The following SLC38A12 variants were observed in gnomAD, a reference collection of about 807,000 sequenced individuals.
The protein encoded by SLC38A12 is putative sodium-coupled neutral amino acid transporter 12.
At chr17:74,835,888 C>T in the SLC38A12 span, 1 of 1,564,694 alleles carries the variant, frequency 6.4e-7, no homozygotes, top group Non-Finnish European at 8.7e-7. Flanking sequence ...TAGGGCCGTG[C>T]CTGTCCCCAC....
chr17:74,802,677 C>G, the SLC38A12 span, among the ~76,000 whole-genome samples: 17 of 152,134 alleles, frequency 1.1e-4, no homozygotes, highest in Admixed American at 5.9e-4. Flanking sequence ...ATCTTAAATT[C>G]AAAAATCCAA....
chr17:74,822,494 T>G, the SLC38A12 span, among the ~76,000 whole-genome samples: 1 of 152,208 alleles, frequency 6.6e-6, no homozygotes, highest in Non-Finnish European at 1.5e-5. Context: ...AGCACTTGTT[T>G]TTTTGGTGGT....
the SLC38A12 span, among the ~76,000 whole-genome samples, chr17:74,803,344 C>A: frequency 6.6e-6 from 1 of 152,216 alleles, no homozygotes; most frequent in East Asian, 1.9e-4. Context: ...AGGCAGCCCA[C>A]CTGAAAGCAG....
chr17:74,803,818 C>T, the SLC38A12 span, among the ~76,000 whole-genome samples: 2 of 152,186 alleles, frequency 1.3e-5, no homozygotes, highest in African/African-American at 4.8e-5. Flanking sequence ...CATTTCTGGG[C>T]AAAGAACTAA....
chr17:74,791,823 A>C, the SLC38A12 span, among the ~76,000 whole-genome samples: 4 of 152,216 alleles, frequency 2.6e-5, no homozygotes, highest in Admixed American at 6.5e-5. Context: ...CTCCATGGCA[A>C]ATCTGGTTCT....
At chr17:74,836,205 A>G in the SLC38A12 span, 2 of 1,612,052 alleles carry the variant, frequency 1.2e-6, no homozygotes, top group Non-Finnish European at 1.7e-6. The surrounding 1 kb of genome is among the most constrained non-coding windows in gnomAD (Gnocchi z 4.2). Flanking sequence ...CCTCATGGAC[A>G]TGTACACCCT....
chr17:74,830,593 G>A, the SLC38A12 span, among the ~76,000 whole-genome samples: 1 of 152,212 alleles, frequency 6.6e-6, no homozygotes, highest in African/African-American at 2.4e-5. Context: ...TTGAGGTTGC[G>A]GTAAAGCCGA....
chr17:74,795,242 C>A, the SLC38A12 span: 3 of 774,672 alleles, frequency 3.9e-6, no homozygotes, highest in Non-Finnish European at 6.5e-6. Context: ...GATGCCCAGG[C>A]CCTTTTCTGC....
At chr17:74,793,770 G>A in the SLC38A12 span, among the ~76,000 whole-genome samples, 1 of 152,142 alleles carries the variant, frequency 6.6e-6, no homozygotes, top group Non-Finnish European at 1.5e-5. Context: ...AAGCTTGGAC[G>A]TCAGGCTATC....
the SLC38A12 span, among the ~76,000 whole-genome samples, chr17:74,784,185 A>ATATCTC: frequency 1.3e-5 from 2 of 152,216 alleles, no homozygotes; most frequent in Admixed American, 6.5e-5. Context: ...AAAATGAGAA[A>ATATCTC]TGGGTAAGCA....
At chr17:74,833,243 G>C in the SLC38A12 span, among the ~76,000 whole-genome samples, 1 of 152,236 alleles carries the variant, frequency 6.6e-6, no homozygotes, top group Non-Finnish European at 1.5e-5. Flanking sequence ...TCAAACTCCT[G>C]ACCTCAGGTG....
chr17:74,795,875 G>A, the SLC38A12 span, among the ~76,000 whole-genome samples: 38 of 152,224 alleles, frequency 2.5e-4, no homozygotes, highest in Non-Finnish European at 5.1e-4. Flanking sequence ...TAGGCACTCA[G>A]GTCATAGCCA....
At chr17:74,836,187 G>C in the SLC38A12 span, 1 of 1,612,664 alleles carries the variant, frequency 6.2e-7, no homozygotes, top group South Asian at 1.1e-5. This position sits in a 1 kb window ranked among gnomAD's most constrained non-coding sequence, Gnocchi z 4.2. Context: ...CTGCTTCCGC[G>C]GCGACAGCCT....
chr17:74,783,018 C>G, the SLC38A12 span, among the ~76,000 whole-genome samples: 1 of 152,218 alleles, frequency 6.6e-6, no homozygotes, highest in African/African-American at 2.4e-5. Flanking sequence ...GTAATCCCAG[C>G]TACTCCAGAG....
chr17:74,778,775 TCTC>T, the SLC38A12 span, among the ~76,000 whole-genome samples: 2 of 148,866 alleles, frequency 1.3e-5, no homozygotes, highest in Non-Finnish European at 3.0e-5. Flanking sequence ...TTCAAGCAAT[TCTC>T]CTGCCCCACC....
chr17:74,829,136 T>C, the SLC38A12 span, among the ~76,000 whole-genome samples: 61 of 152,322 alleles, frequency 4.0e-4, no homozygotes, highest in African/African-American at 1.2e-3. The surrounding 1 kb of genome is among the most constrained non-coding windows in gnomAD (Gnocchi z 4.1). Flanking sequence ...CTTTTTTTTC[T>C]TTTTTGAGAC....
At chr17:74,795,568 A>T in the SLC38A12 span, 1 of 1,614,064 alleles carries the variant, frequency 6.2e-7, no homozygotes, top group South Asian at 1.1e-5. Flanking sequence ...GCAGACACCA[A>T]ATACAATGAC....
chr17:74,797,646 T>A, the SLC38A12 span, among the ~76,000 whole-genome samples: 2 of 152,128 alleles, frequency 1.3e-5, no homozygotes, highest in African/African-American at 4.8e-5. Context: ...GGGTGTGAGG[T>A]TCTGCAGAAC....
At chr17:74,809,249 G>C in the SLC38A12 span, among the ~76,000 whole-genome samples, 10 of 152,192 alleles carry the variant, frequency 6.6e-5, no homozygotes, top group South Asian at 2.1e-4. Context: ...AGAGGTTTGA[G>C]GAAGGGACCT....
Sources: gnomAD v4.1 joint callset for allele counts (sites outside exome capture counted in the v4.1 genomes callset) on GRCh38, gnomAD v4.1.1 for gene constraint, Gnocchi (gnomAD v3.1) non-coding constraint, MANE v1.5 for transcripts, NCBI Gene and HGNC (gene_info 2026-07-23, HGNC 2026-07-21) for gene names.